WDFY2: variants seen among roughly 807,000 people sequenced by gnomAD.
WDFY2 encodes WD repeat and FYVE domain containing 2, also known as WD repeat and FYVE domain-containing protein 2.
Under a neutral mutation model 56.4 loss-of-function variants are expected in WDFY2, and 36 were observed. The ratio of observed to expected loss-of-function variants is 0.64; its 90% CI spans 0.49 to 0.84. The LOEUF (loss-of-function observed/expected upper bound fraction) is 0.84. Ranked by LOEUF, WDFY2 falls within the 40% of genes least tolerant of loss-of-function variation. The pLI is 0.00. For synonymous variants in WDFY2, 176 were observed against 183.7 expected, an observed-to-expected ratio of 0.96 and a Z score of 0.34; for missense variants, 444 against 512.2, an observed-to-expected ratio of 0.87 and a Z score of 1.29.
In WDFY2 at chr13:51,755,343, G is replaced by C. The variant is rs1229111651; in HGVS notation, c.832-15G>C. The C allele has an allele frequency of 1.2e-6, 2 of 1,613,926 alleles. No homozygotes were observed. Among genetic ancestry groups the C allele is most frequent in the Non-Finnish European group, 1.7e-6 (2 of 1,179,802 alleles). ...TGCTGGCCACAGTGACCTGTTCTGT[G>C]CTTTATTTGACAAGACCCCTGAATG... is the stretch of plus-strand genomic sequence containing the variant. On this transcript the variant is annotated splice_polypyrimidine_tract_variant and intron_variant, in intron 8 of 11. Coordinates refer to ENST00000298125, the MANE Select transcript of WDFY2 (RefSeq NM_052950.4).
At position 51,758,287 on chromosome 13, in the gene WDFY2, A is replaced by C; in HGVS notation, c.1160A>C (p.Asp387Ala). The C allele has an allele frequency of 1.3e-6, 2 of 1,591,994 alleles. No homozygotes were observed. The highest frequency in any genetic ancestry group is 1.7e-6 in the Non-Finnish European group (2 of 1,163,028). The part of the protein sequence containing the change: ...TRGWLLTSGT[D>A]KVIKLWDMTP... ...GGATGGTTACTGACTTCTGGAACTGACAAGGTTATTAAGGTAAGATGCCAT... is the reference window on the plus strand; with the variant it reads ...GGATGGTTACTGACTTCTGGAACTGCCAAGGTTATTAAGGTAAGATGCCAT... Residue 387 changes from aspartate (D) to alanine (A), a missense_variant, in exon 11 of 12, where the codon GAC becomes GCC. By Grantham distance (126) the Asp-to-Ala change is moderately radical. Coordinates refer to ENST00000298125, the MANE Select transcript of WDFY2 (RefSeq NM_052950.4).
intron 4 of WDFY2, among the ~76,000 whole-genome samples, chr13:51,703,865 C>G (rs1952034391): frequency 6.6e-6 from 1 of 152,220 alleles, no homozygotes; most frequent in African/African-American, 2.4e-5. Flanking sequence ...AGAGCCAGAT[C>G]AGGTCAGCTT....
intron 2 of WDFY2, 23 bp downstream of exon 2, chr13:51,660,686 T>G: frequency 6.2e-7 from 1 of 1,610,402 alleles, no homozygotes. Flanking sequence ...ATCGCTGTCT[T>G]GAAAAACCAG....
At chr13:51,665,263 C>T (rs1955679235) in intron 2 of WDFY2, among the ~76,000 whole-genome samples, 2 of 152,170 alleles carry the variant, frequency 1.3e-5, no homozygotes, top group South Asian at 2.1e-4. Flanking sequence ...AGAATATCCC[C>T]TTGGTGTATC....
intron 1 of WDFY2, among the ~76,000 whole-genome samples, chr13:51,659,426 C>T (rs977077011): frequency 2.2e-4 from 33 of 152,242 alleles, no homozygotes; most frequent in African/African-American, 7.9e-4. Flanking sequence ...AGGTGTGTGG[C>T]CTATGATCCC....
chr13:51,620,746 T>C (rs1416880129), intron 1 of WDFY2, among the ~76,000 whole-genome samples: 2 of 152,152 alleles, frequency 1.3e-5, no homozygotes, highest in Non-Finnish European at 2.9e-5. Context: ...GGGGATGGTG[T>C]GATGTGGCCT....
At chr13:51,735,122 C>T (rs1952806804) in intron 6 of WDFY2, among the ~76,000 whole-genome samples, 1 of 152,240 alleles carries the variant, frequency 6.6e-6, no homozygotes, top group African/African-American at 2.4e-5. Context: ...GAGGCCGTTT[C>T]CATCAGCAGC....
At chr13:51,715,278 TAAC>T (rs981752587) in intron 4 of WDFY2, among the ~76,000 whole-genome samples, 3 of 152,246 alleles carry the variant, frequency 2.0e-5, no homozygotes, top group African/African-American at 4.8e-5. Context: ...TTTTTTGTAA[TAAC>T]AGCTTAAAAC....
At chr13:51,717,097 C>T (rs1157844852) in intron 4 of WDFY2, among the ~76,000 whole-genome samples, 1 of 152,136 alleles carries the variant, frequency 6.6e-6, no homozygotes, top group Non-Finnish European at 1.5e-5. Flanking sequence ...GATGCTTTCC[C>T]TCTAAGATCA....
At chr13:51,728,592 A>C (rs1048933059) in intron 6 of WDFY2, among the ~76,000 whole-genome samples, 5 of 152,238 alleles carry the variant, frequency 3.3e-5, no homozygotes, top group African/African-American at 1.2e-4. Context: ...TAAGAAAAAA[A>C]GTAGGGGAAA....
chr13:51,734,019 T>TCAA (rs1952781120), intron 6 of WDFY2, among the ~76,000 whole-genome samples: 1 of 152,118 alleles, frequency 6.6e-6, no homozygotes, highest in Admixed American at 6.5e-5. Flanking sequence ...AATGCAGCAA[T>TCAA]CAAAAGGTCA....
intron 1 of WDFY2, among the ~76,000 whole-genome samples, chr13:51,638,696 A>C (rs1955098336): frequency 6.6e-6 from 1 of 152,236 alleles, no homozygotes; most frequent in Admixed American, 6.5e-5. Flanking sequence ...TAACTCCTTG[A>C]AAGTATGCTG....
intron 3 of WDFY2, among the ~76,000 whole-genome samples, chr13:51,697,894 A>G (rs1951909206): frequency 6.6e-6 from 1 of 152,222 alleles, no homozygotes; most frequent in Non-Finnish European, 1.5e-5. Context: ...CTTCAATTAT[A>G]ATTGTTCAAT....
chr13:51,739,273 A>T, intron 7 of WDFY2, 98 bp downstream of exon 7: 1 of 1,371,950 alleles, frequency 7.3e-7, no homozygotes, highest in South Asian at 1.9e-5. Flanking sequence ...GGATCTTAGC[A>T]TGGGAAGGAA....
At chr13:51,680,006 C>G (rs541632851) in intron 3 of WDFY2, among the ~76,000 whole-genome samples, 5 of 152,274 alleles carry the variant, frequency 3.3e-5, no homozygotes, top group African/African-American at 1.2e-4. Context: ...CTCACTGCAG[C>G]CTTGAGCTCC....
chr13:51,708,253 GA>G (rs1952130379), intron 4 of WDFY2, among the ~76,000 whole-genome samples: 1 of 151,786 alleles, frequency 6.6e-6, no homozygotes, highest in African/African-American at 2.4e-5. Flanking sequence ...AGCACTTTGG[GA>G]AGCTGAGGTG....
chr13:51,589,705 A>C (rs1954008361), intron 1 of WDFY2: 1 of 152,170 alleles, frequency 6.6e-6, no homozygotes, highest in Non-Finnish European at 1.5e-5. Context: ...AGAGTGAGGG[A>C]GTGAGCGCTC....
intron 1 of WDFY2, among the ~76,000 whole-genome samples, chr13:51,614,421 C>T (rs1228209743): frequency 1.3e-5 from 2 of 152,142 alleles, no homozygotes; most frequent in Non-Finnish European, 2.9e-5. Flanking sequence ...GGTTATTTTC[C>T]TTTTATACCA....
At chr13:51,661,741 GATA>G (rs1955617904) in intron 2 of WDFY2, among the ~76,000 whole-genome samples, 1 of 152,138 alleles carries the variant, frequency 6.6e-6, no homozygotes, top group African/African-American at 2.4e-5. Flanking sequence ...GTAAATAGAC[GATA>G]ATAACCAAGC....
Sources: allele counts gnomAD v4.1 joint callset (sites outside exome capture counted in the v4.1 genomes callset), GRCh38; gene constraint gnomAD v4.1.1; transcripts MANE v1.5; gene names NCBI Gene and HGNC (gene_info 2026-07-23, HGNC 2026-07-21).